The following SPPL3 variants were observed in gnomAD, a reference collection of about 807,000 sequenced individuals.
SPPL3 encodes the protein signal peptide peptidase like 3.
In SPPL3, 5 loss-of-function variants were observed where a neutral mutation model predicts 42.4. The observed-to-expected ratio is 0.12, with a 90% CI of 0.06 to 0.25. The LOEUF (loss-of-function observed/expected upper bound fraction) is 0.25. Among genes scored for constraint, SPPL3 ranks in the 10% least tolerant of loss-of-function variants. The probability of loss-of-function intolerance (pLI) is 1.00; values close to 1 mark genes in which losing one functional copy is unlikely to be tolerated. For synonymous variants in SPPL3, 195 were observed against 181.8 expected (o/e 1.07, Z -0.58); for missense variants, 235 against 489.0 (o/e 0.48, Z 4.90).
At chr12:120,807,021 G>T (rs1309171665) in intron 2 of SPPL3, among the ~76,000 whole-genome samples, 1 of 151,888 alleles carries the variant, frequency 6.6e-6, no homozygotes, top group Non-Finnish European at 1.5e-5. Context: ...ATATTCCAAG[G>T]GACACTATTA....
At chr12:120,818,061 C>T (rs1460466007) in intron 1 of SPPL3, among the ~76,000 whole-genome samples, 3 of 152,168 alleles carry the variant, frequency 2.0e-5, no homozygotes, top group East Asian at 1.9e-4. Context: ...CTCTCCCTAT[C>T]CTACATTTCA....
At chr12:120,881,465 CAAAAAAAAA>C (rs374467556) in intron 1 of SPPL3, among the ~76,000 whole-genome samples, 1 of 53,018 alleles carries the variant, frequency 1.9e-5, no homozygotes, top group Non-Finnish European at 3.4e-5. Context: ...GAGACTGCCT[CAAAAAAAAA>C]AAAAAAAAAA....
chr12:120,881,609 A>G (rs1248629703), intron 1 of SPPL3, among the ~76,000 whole-genome samples: 1 of 150,920 alleles, frequency 6.6e-6, no homozygotes, highest in African/African-American at 2.5e-5. Flanking sequence ...GTACACCAAT[A>G]TTCATTGTAT....
chr12:120,836,988 A>AT (rs67329171), intron 1 of SPPL3, among the ~76,000 whole-genome samples: 24 of 150,792 alleles, frequency 1.6e-4, no homozygotes, highest in East Asian at 5.8e-4. Context: ...AGCTCTCTGC[A>AT]TTTTTTTTTT....
intron 3 of SPPL3, among the ~76,000 whole-genome samples, chr12:120,785,669 A>G (rs1869696641): frequency 6.6e-6 from 1 of 152,004 alleles, no homozygotes; most frequent in African/African-American, 2.4e-5. Flanking sequence ...ATCTATAATA[A>G]TGAAATAATA....
chr12:120,843,402 G>C (rs567626055), intron 1 of SPPL3, among the ~76,000 whole-genome samples: 1 of 152,196 alleles, frequency 6.6e-6, no homozygotes, highest in Admixed American at 6.5e-5. Flanking sequence ...GATTATGACT[G>C]ATGCTCAAAG....
At chr12:120,780,090 G>A (rs1304675668) in intron 6 of SPPL3, among the ~76,000 whole-genome samples, 4 of 151,158 alleles carry the variant, frequency 2.6e-5, no homozygotes, top group African/African-American at 9.7e-5. Context: ...CTCAGTACAT[G>A]CTTGTAATCC....
chr12:120,858,193 C>G (rs1248432652), intron 1 of SPPL3, among the ~76,000 whole-genome samples: 1 of 152,066 alleles, frequency 6.6e-6, no homozygotes. Context: ...AAAATGACAT[C>G]ATGGCTGGGC....
intron 1 of SPPL3, among the ~76,000 whole-genome samples, chr12:120,892,557 T>G (rs550819373): frequency 1.3e-5 from 2 of 152,180 alleles, no homozygotes; most frequent in Admixed American, 1.3e-4. Flanking sequence ...GTGGCTGAAG[T>G]AACACGTAAT....
chr12:120,787,673 T>C (rs998168424), intron 3 of SPPL3, among the ~76,000 whole-genome samples: 10 of 152,166 alleles, frequency 6.6e-5, no homozygotes, highest in Admixed American at 3.3e-4. Context: ...TCTCTCTCTC[T>C]CATTCTCCTG....
At chr12:120,772,001 TCCAA>T (rs1246183053) in intron 6 of SPPL3, among the ~76,000 whole-genome samples, 1 of 152,206 alleles carries the variant, frequency 6.6e-6, no homozygotes, top group African/African-American at 2.4e-5. Context: ...TCTTTCCTGA[TCCAA>T]CCAGTCAGTT....
chr12:120,833,766 AGTGTGTGTGTGTGTGTGTGTGTGTGT>A (rs71076664), intron 1 of SPPL3, among the ~76,000 whole-genome samples: 1 of 146,636 alleles, frequency 6.8e-6, no homozygotes, highest in Non-Finnish European at 1.5e-5. Flanking sequence ...TGAGTTTTAA[AGTGTGTGTGTGTGTGTGTGTGTGTGT>A]GTGTGTGTGT....
At chr12:120,877,075 A>G (rs975596376) in intron 1 of SPPL3, among the ~76,000 whole-genome samples, 6 of 152,194 alleles carry the variant, frequency 3.9e-5, no homozygotes, top group African/African-American at 1.4e-4. Flanking sequence ...AAAAACCTAT[A>G]AACTTATACA....
intron 6 of SPPL3, among the ~76,000 whole-genome samples, chr12:120,781,556 T>TGTTTG (rs1491462310): frequency 7.4e-4 from 2 of 2,698 alleles, no homozygotes; most frequent in African/African-American, 1.4e-3. Context: ...TATTGTTACG[T>TGTTTG]TTTTTTTTTT....
chr12:120,827,056 CT>C (rs1871249678), intron 1 of SPPL3, among the ~76,000 whole-genome samples: 1 of 151,940 alleles, frequency 6.6e-6, no homozygotes, highest in Admixed American at 6.6e-5. Context: ...TCAGAGGAAA[CT>C]TGACTTAGCA....
At chr12:120,874,471 G>GAATA (rs1253419867) in intron 1 of SPPL3, among the ~76,000 whole-genome samples, 9 of 125,150 alleles carry the variant, frequency 7.2e-5, no homozygotes, top group African/African-American at 1.9e-4. Context: ...AAAAAAAAAA[G>GAATA]AATAAAAGAA....
intron 1 of SPPL3, among the ~76,000 whole-genome samples, chr12:120,866,079 T>A (rs1872746302): frequency 6.6e-6 from 1 of 152,176 alleles, no homozygotes. Flanking sequence ...GAAAACAAGC[T>A]CAGGGCTCCC....
At chr12:120,784,322 G>C in intron 4 of SPPL3, 152 bp downstream of exon 4, 1 of 649,596 alleles carries the variant, frequency 1.5e-6, no homozygotes, top group Non-Finnish European at 2.5e-6. Flanking sequence ...AGTTGGGGAA[G>C]GGTGGCGTGG....
intron 1 of SPPL3, among the ~76,000 whole-genome samples, chr12:120,825,463 G>A (rs903448465): frequency 7.9e-5 from 12 of 152,186 alleles, no homozygotes; most frequent in Admixed American, 4.6e-4. Flanking sequence ...AGAGAGTGGA[G>A]GTGAGAAAAC....
Sources: allele counts gnomAD v4.1 joint callset (sites outside exome capture counted in the v4.1 genomes callset), GRCh38; gene constraint gnomAD v4.1.1; transcripts MANE v1.5; gene names NCBI Gene and HGNC (gene_info 2026-07-23, HGNC 2026-07-21).